Variants in SNTG1 observed in about 807,000 individuals in gnomAD.
The protein encoded by SNTG1 is syntrophin gamma 1, also known as gamma-1-syntrophin.
SNTG1 carries 39 observed loss-of-function variants against 74.7 expected under a neutral mutation model. The ratio of observed to expected loss-of-function variants is 0.52; its 90% CI spans 0.40 to 0.68. The LOEUF is 0.68. Among genes scored for constraint, SNTG1 ranks in the 30% least tolerant of loss-of-function variants. The pLI is 0.00. For missense variants in SNTG1, 685 were observed against 609.5 expected, an observed-to-expected ratio of 1.12 and a Z score of -1.30; for synonymous variants, 254 against 217.1, an observed-to-expected ratio of 1.17 and a Z score of -1.49.
intron 2 of SNTG1, among the ~76,000 whole-genome samples, chr8:50,312,731 A>C (rs1264389077): frequency 6.7e-6 from 1 of 150,036 alleles, no homozygotes; most frequent in Non-Finnish European, 1.5e-5. Context: ...AATTCCTAAC[A>C]TGCCTTCCAG....
chr8:50,403,018 AT>A (rs1382655073), intron 4 of SNTG1, among the ~76,000 whole-genome samples: 1 of 152,174 alleles, frequency 6.6e-6, no homozygotes, highest in Non-Finnish European at 1.5e-5. Flanking sequence ...ATTAGATTTT[AT>A]TCTGCTAAAA....
chr8:49,946,496 T>A (rs1180901497), intron 1 of SNTG1, among the ~76,000 whole-genome samples: 1 of 152,230 alleles, frequency 6.6e-6, no homozygotes, highest in East Asian at 1.9e-4. Flanking sequence ...TTTAAATATT[T>A]GAAAGGCACT....
intron 1 of SNTG1, among the ~76,000 whole-genome samples, chr8:50,024,880 A>C (rs1817133172): frequency 6.6e-6 from 1 of 152,078 alleles, no homozygotes; most frequent in African/African-American, 2.4e-5. Context: ...TGAATGATTC[A>C]TGTCCCGTGG....
chr8:50,343,822 A>G (rs2091391913), intron 2 of SNTG1, among the ~76,000 whole-genome samples: 1 of 152,376 alleles, frequency 6.6e-6, no homozygotes, highest in East Asian at 1.9e-4. Context: ...ACTCAGAAAA[A>G]ATGAGATGCA....
intron 9 of SNTG1, among the ~76,000 whole-genome samples, chr8:50,517,586 T>C (rs1404796279): frequency 1.6e-5 from 2 of 121,346 alleles, no homozygotes; most frequent in African/African-American, 6.8e-5. Flanking sequence ...AATAAAGAAA[T>C]TGAGGAATAT....
intron 2 of SNTG1, among the ~76,000 whole-genome samples, chr8:50,253,028 C>G (rs1320524386): frequency 6.6e-6 from 1 of 152,116 alleles, no homozygotes; most frequent in African/African-American, 2.4e-5. Flanking sequence ...CAAAAGAAAA[C>G]AAGTGGTGGT....
intron 2 of SNTG1, 95 bp downstream of exon 2, chr8:50,172,730 T>C (rs896430001): frequency 2.0e-5 from 3 of 151,486 alleles, no homozygotes; most frequent in African/African-American, 7.3e-5. Context: ...TTGTTTTCTT[T>C]GATATTAATC....
chr8:50,339,502 AT>A (rs1563917715), intron 2 of SNTG1, among the ~76,000 whole-genome samples: 2 of 152,028 alleles, frequency 1.3e-5, no homozygotes, highest in African/African-American at 4.8e-5. Flanking sequence ...GTTATAAGAG[AT>A]AAGGAAGGTG....
At chr8:50,519,459 T>C (rs2094161401) in intron 9 of SNTG1, among the ~76,000 whole-genome samples, 1 of 152,068 alleles carries the variant, frequency 6.6e-6, no homozygotes, top group Non-Finnish European at 1.5e-5. Flanking sequence ...GCCAGGGCAA[T>C]CAGGCAAGAG....
intron 1 of SNTG1, among the ~76,000 whole-genome samples, chr8:49,976,755 C>T (rs1432109614): frequency 5.3e-5 from 8 of 152,110 alleles, no homozygotes; most frequent in Admixed American, 4.6e-4. Context: ...AGCTCTGAGT[C>T]CTGATCATGC....
In SNTG1 at chr8:50,370,164, T is replaced by C. The variant is rs531245280; in HGVS notation, c.-27-24048T>C. 7.2e-5 allele frequency among the ~76,000 whole-genome samples: 11 copies of C among 152,196 alleles called. No individual in the cohort carries two copies. The South Asian group carries it at 2.3e-3, about 32-fold the overall frequency. ...CAAAGTGAGAAAATAAAAGGATGAG[T>C]TCAGGAATTCAAATTCCAAGCTCAA... On this transcript the variant is annotated intron_variant, in intron 2 of 18. Transcript: ENST00000642720.
intron 8 of SNTG1, among the ~76,000 whole-genome samples, chr8:50,463,548 T>G (rs958831034): frequency 3.3e-5 from 5 of 152,146 alleles, no homozygotes; most frequent in Non-Finnish European, 4.4e-5. Context: ...GCAGTAACCT[T>G]TTGAAAGGAA....
chr8:50,743,993 A>G (rs916724499), intron 17 of SNTG1, among the ~76,000 whole-genome samples: 4 of 151,678 alleles, frequency 2.6e-5, no homozygotes, highest in African/African-American at 7.3e-5. Flanking sequence ...GGTGACACAC[A>G]TTTTTCAGAC....
chr8:50,227,679 G>C (rs1461076077), intron 2 of SNTG1, among the ~76,000 whole-genome samples: 1 of 151,792 alleles, frequency 6.6e-6, no homozygotes, highest in Non-Finnish European at 1.5e-5. Context: ...AGTTGAAAGA[G>C]CTATAAGACA....
At chr8:50,400,520 A>G (rs1563335592) in intron 3 of SNTG1, among the ~76,000 whole-genome samples, 1 of 152,180 alleles carries the variant, frequency 6.6e-6, no homozygotes, top group East Asian at 1.9e-4. Flanking sequence ...TCCTTTGGAT[A>G]TATACCTAGT....
intron 10 of SNTG1, among the ~76,000 whole-genome samples, chr8:50,531,010 T>C (rs1297297241): frequency 6.6e-6 from 1 of 152,212 alleles, no homozygotes; most frequent in African/African-American, 2.4e-5. Flanking sequence ...TATTGTTCTA[T>C]TCCACATATC....
At chr8:50,198,694 T>C (rs1388737798) in intron 2 of SNTG1, among the ~76,000 whole-genome samples, 1 of 152,210 alleles carries the variant, frequency 6.6e-6, no homozygotes, top group African/African-American at 2.4e-5. Context: ...TGTAGAATTT[T>C]TAGGTTCAGA....
intron 1 of SNTG1, among the ~76,000 whole-genome samples, chr8:50,170,089 G>C (rs556686058): frequency 6.6e-6 from 1 of 152,228 alleles, no homozygotes; most frequent in Admixed American, 6.5e-5. Context: ...TGTGAGAGTG[G>C]TACTTTGGAC....
At chr8:50,174,037 T>C (rs1229883899) in intron 2 of SNTG1, among the ~76,000 whole-genome samples, 1 of 152,154 alleles carries the variant, frequency 6.6e-6, no homozygotes, top group East Asian at 1.9e-4. Flanking sequence ...CCTCCCTGTG[T>C]CCATGTGTTC....
Sources: gnomAD v4.1 joint callset for allele counts (sites outside exome capture counted in the v4.1 genomes callset) on GRCh38, gnomAD v4.1.1 for gene constraint, MANE v1.5 for transcripts, NCBI Gene and HGNC (gene_info 2026-07-23, HGNC 2026-07-21) for gene names.